Variants in KANSL1 observed in about 807,000 individuals in gnomAD.
The protein encoded by KANSL1 is KAT8 regulatory NSL complex subunit 1.
A neutral mutation model predicts 103.6 loss-of-function variants in KANSL1; 22 were observed. That is an observed-to-expected ratio of 0.21 (90% CI 0.15 to 0.30). The LOEUF is 0.30. Among genes scored for constraint, KANSL1 ranks in the 10% least tolerant of loss-of-function variants. KANSL1 has a pLI of 1.00. For synonymous variants in KANSL1, 600 were observed against 527.6 expected (o/e 1.14, Z -1.88); for missense variants, 1,337 against 1,399.8 (o/e 0.96, Z 0.72).
intron 6 of KANSL1, among the ~76,000 whole-genome samples, chr17:46,053,967 C>T (rs1568392392): frequency 6.6e-6 from 1 of 152,070 alleles, no homozygotes; most frequent in African/African-American, 2.4e-5. Flanking sequence ...AATAAGAAAA[C>T]AAATTTTTAA....
chr17:46,190,809 T>C (rs2047278557), intron 1 of KANSL1, among the ~76,000 whole-genome samples: 1 of 152,374 alleles, frequency 6.6e-6, no homozygotes, highest in Admixed American at 6.5e-5. Context: ...GGAAATCCAA[T>C]TCAGAATTTC....
intron 1 of KANSL1, among the ~76,000 whole-genome samples, chr17:46,209,746 G>A (rs561682087): frequency 3.3e-4 from 50 of 152,244 alleles, no homozygotes; most frequent in South Asian, 1.2e-3. Context: ...CACCCAACTC[G>A]GCCTCCCAAA....
At chr17:46,078,043 T>G (rs972768654) in intron 4 of KANSL1, among the ~76,000 whole-genome samples, 1 of 152,206 alleles carries the variant, frequency 6.6e-6, no homozygotes, top group Non-Finnish European at 1.5e-5. Context: ...ATAGAGACTC[T>G]GAATTTAGTT....
At chr17:46,143,322 C>G (rs371526538) in intron 2 of KANSL1, among the ~76,000 whole-genome samples, 5 of 151,916 alleles carry the variant, frequency 3.3e-5, no homozygotes, top group Non-Finnish European at 5.9e-5. Flanking sequence ...GGTGAAACCC[C>G]GTCTCTACTA....
At chr17:46,167,587 G>C (rs974701323) in intron 2 of KANSL1, among the ~76,000 whole-genome samples, 1 of 152,224 alleles carries the variant, frequency 6.6e-6, no homozygotes, top group African/African-American at 2.4e-5. Flanking sequence ...AGGAAGATAT[G>C]TGAAATATTT....
At chr17:46,062,743 T>C (rs898240498) in intron 6 of KANSL1, among the ~76,000 whole-genome samples, 8 of 152,142 alleles carry the variant, frequency 5.3e-5, no homozygotes, top group African/African-American at 1.4e-4. Context: ...ACTAAGCTGA[T>C]AGCCCTTTAA....
At chr17:46,062,056 C>T (rs971033801) in intron 6 of KANSL1, among the ~76,000 whole-genome samples, 1 of 133,508 alleles carries the variant, frequency 7.5e-6, no homozygotes, top group African/African-American at 2.8e-5. Context: ...TGTGCCATTG[C>T]ACTCCAGCCT....
In KANSL1 at chr17:46,146,594, G is replaced by GA. The variant is rs1325842756; in HGVS notation, c.1289+24260dup. On this transcript the variant is annotated intron_variant, in intron 2 of 14. Coordinates refer to ENST00000432791, the MANE Select transcript of KANSL1 (RefSeq NM_015443.4). Reference sequence around the variant, plus strand: ...CACGCCTGTAATCCCAGCACTTTGGGAGGCCGAAGCCGGCGGATCACGAGG... The same window carrying GA: ...CACGCCTGTAATCCCAGCACTTTGGGAAGGCCGAAGCCGGCGGATCACGAGG... Among the ~76,000 whole-genome samples, 3 of 112,520 alleles carry GA rather than the reference G, an allele frequency of 2.7e-5. 1 individual carries two copies. The highest frequency in any genetic ancestry group is 7.2e-5 in the Non-Finnish European group (3 of 41,640). 73.8% of individuals were successfully genotyped at this position (112,520 alleles called of 152,430 possible).
chr17:46,217,321 T>C (rs2048371283), intron 1 of KANSL1, among the ~76,000 whole-genome samples: 1 of 151,416 alleles, frequency 6.6e-6, no homozygotes, highest in Non-Finnish European at 1.5e-5. Flanking sequence ...ACCAAAAATG[T>C]AAAAATTAGC....
At chr17:46,084,154 G>C (rs1050323350) in intron 3 of KANSL1, among the ~76,000 whole-genome samples, 2 of 113,030 alleles carry the variant, frequency 1.8e-5, no homozygotes, top group African/African-American at 5.3e-5. Context: ...TGAGGCGGGT[G>C]GATCACCTGA....
upstream of KANSL1, chr17:46,193,655 G>A (rs756266559): frequency 6.4e-6 from 2 of 312,570 alleles, no homozygotes; most frequent in East Asian, 1.6e-4. Flanking sequence ...CGGAGGCCGC[G>A]GCGCCCGGCC....
At chr17:46,055,339 C>A (rs2077883858) in intron 6 of KANSL1, among the ~76,000 whole-genome samples, 1 of 151,732 alleles carries the variant, frequency 6.6e-6, no homozygotes, top group African/African-American at 2.4e-5. Context: ...GTGGCGGGCG[C>A]CTGTAATCCC....
upstream of KANSL1, among the ~76,000 whole-genome samples, chr17:46,225,156 G>C (rs543604371): frequency 4.0e-4 from 60 of 151,838 alleles, no homozygotes; most frequent in Admixed American, 7.9e-4. Context: ...CAGCCCCGCC[G>C]CTTCCAGGGC....
chr17:46,136,559 C>A (rs114400443), intron 2 of KANSL1, among the ~76,000 whole-genome samples: 1 of 152,198 alleles, frequency 6.6e-6, no homozygotes, highest in Admixed American at 6.5e-5. Context: ...GACATAAACA[C>A]ATTAGGTAGA....
rs1023870396 is a variant in KANSL1, at chr17:46,164,113, T to G, written c.1289+6742A>C. 2.6e-5 allele frequency among the ~76,000 whole-genome samples: 4 copies of G among 152,194 alleles called. No homozygotes were observed. In the East Asian group the frequency reaches 7.7e-4, roughly 29 times the overall value. On this transcript the variant is annotated intron_variant, in intron 2 of 14. Coordinates refer to ENST00000432791, the MANE Select transcript of KANSL1 (RefSeq NM_015443.4). ...AGGATACAAACTTAGCTTATTCATCTGTTATCTCTTGTGTCTTACACATTT... is the reference window on the plus strand; with the variant it reads ...AGGATACAAACTTAGCTTATTCATCGGTTATCTCTTGTGTCTTACACATTT...
At chr17:46,137,704 A>G (rs2044219279) in intron 2 of KANSL1, among the ~76,000 whole-genome samples, 1 of 152,020 alleles carries the variant, frequency 6.6e-6, no homozygotes, top group Non-Finnish European at 1.5e-5. Flanking sequence ...TCTACTAAAA[A>G]AAAATACAAA....
chr17:46,104,451 G>A (rs2042446177), intron 2 of KANSL1, among the ~76,000 whole-genome samples: 2 of 152,112 alleles, frequency 1.3e-5, no homozygotes, highest in Admixed American at 1.3e-4. Flanking sequence ...TTATTTGTAT[G>A]TGCTATTATT....
At chr17:46,075,415 C>A (rs1239048225) in intron 4 of KANSL1, among the ~76,000 whole-genome samples, 1 of 136,140 alleles carries the variant, frequency 7.3e-6, no homozygotes. Context: ...TGGCTCATTG[C>A]AACCTCTGCC....
chr17:46,216,531 G>A (rs534032865), intron 1 of KANSL1, among the ~76,000 whole-genome samples: 3 of 150,260 alleles, frequency 2.0e-5, no homozygotes, highest in Non-Finnish European at 4.4e-5. Flanking sequence ...CCCAGGAGAC[G>A]GAGGTTGCAG....
Sources: gnomAD v4.1 joint callset for allele counts (sites outside exome capture counted in the v4.1 genomes callset) on GRCh38, gnomAD v4.1.1 for gene constraint, MANE v1.5 for transcripts, NCBI Gene and HGNC (gene_info 2026-07-23, HGNC 2026-07-21) for gene names.